BLOC1S2: variants seen among roughly 807,000 people sequenced by gnomAD.
The protein encoded by BLOC1S2 is biogenesis of lysosomal organelles complex 1 subunit 2.
BLOC1S2 carries 12 observed loss-of-function variants against 19.6 expected under a neutral mutation model. The ratio of observed to expected loss-of-function variants is 0.61; its 90% CI spans 0.39 to 0.99. BLOC1S2 has a LOEUF of 0.99. Among genes scored for constraint, BLOC1S2 ranks in the 50% least tolerant of loss-of-function variants. The pLI is 0.00. For synonymous variants in BLOC1S2, 66 were observed against 64.1 expected (o/e 1.03, Z -0.14); for missense variants, 142 against 171.0 (o/e 0.83, Z 0.95).
chr10:100,277,513 T>C (rs1172975432), intron 4 of BLOC1S2, among the ~76,000 whole-genome samples: 1 of 70,624 alleles, frequency 1.4e-5, no homozygotes, highest in Non-Finnish European at 2.7e-5. Flanking sequence ...GGTGGGGGGG[T>C]CAGCCCCCCG....
At chr10:100,282,871 G>A (rs1848143009) in intron 2 of BLOC1S2, 1 of 398,594 alleles carries the variant, frequency 2.5e-6, no homozygotes, top group East Asian at 3.6e-5. Context: ...GCACCATACA[G>A]GCATTCCCTG....
In BLOC1S2 at chr10:100,277,139, G is replaced by A. The variant is rs1589646932; in HGVS notation, c.398-1646C>T. Among the ~76,000 whole-genome samples, 5 of 151,788 alleles carry A rather than the reference G, an allele frequency of 3.3e-5. No homozygotes were observed. The South Asian group carries it at 1.0e-3, about 32-fold the overall frequency. On this transcript the variant is annotated intron_variant, in intron 4 of 4. Transcript: ENST00000370372. ...CAGCCCACCGTCTGAGATGTGGGGA[G>A]CGCCTGTGCCCCGCCGCCCCATCTG...
chr10:100,282,964 C>A (rs114481780), intron 2 of BLOC1S2: 68 of 398,484 alleles, frequency 1.7e-4, no homozygotes, highest in Non-Finnish European at 8.4e-5. Context: ...CACACCACTA[C>A]GAAAGTGACT....
At chr10:100,281,693 A>ATATATATAT (rs1554910961) in intron 2 of BLOC1S2, among the ~76,000 whole-genome samples, 5 of 138,834 alleles carry the variant, frequency 3.6e-5, no homozygotes, top group African/African-American at 1.4e-4. Flanking sequence ...AAAAAAAAAA[A>ATATATATAT]ATATATATAT....
At chr10:100,279,161 G>T (rs1848033723) in intron 4 of BLOC1S2, among the ~76,000 whole-genome samples, 1 of 151,872 alleles carries the variant, frequency 6.6e-6, no homozygotes, top group African/African-American at 2.4e-5. Flanking sequence ...GTATGTAAGA[G>T]CCAGAGCCAG....
chr10:100,278,417 G>T (rs2134356310), intron 4 of BLOC1S2, among the ~76,000 whole-genome samples: 1 of 152,384 alleles, frequency 6.6e-6, no homozygotes, highest in East Asian at 1.9e-4. Flanking sequence ...AAAAGATTGA[G>T]AAATCGGATG....
At chr10:100,281,863 T>C (rs1043622206) in intron 2 of BLOC1S2, among the ~76,000 whole-genome samples, 1 of 152,072 alleles carries the variant, frequency 6.6e-6, no homozygotes, top group African/African-American at 2.4e-5. Flanking sequence ...TCCTCAGTTC[T>C]TTCCCTATCC....
intron 4 of BLOC1S2, among the ~76,000 whole-genome samples, chr10:100,277,744 G>A (rs1176466318): frequency 6.0e-5 from 8 of 133,730 alleles, no homozygotes; most frequent in East Asian, 4.7e-4. Context: ...CGCCCCGTCC[G>A]GGAGGTGAGG....
At chr10:100,277,612 G>C (rs1847944502) in intron 4 of BLOC1S2, among the ~76,000 whole-genome samples, 1 of 125,244 alleles carries the variant, frequency 8.0e-6, no homozygotes, top group Non-Finnish European at 1.7e-5. Flanking sequence ...GTGGGAGGGG[G>C]TCAGCCCCCC....
At chr10:100,277,804 C>G in intron 4 of BLOC1S2, among the ~76,000 whole-genome samples, 1 of 130,740 alleles carries the variant, frequency 7.6e-6, no homozygotes, top group Non-Finnish European at 1.6e-5. Flanking sequence ...CCCCTCTGCC[C>G]GGCCAGCCGC....
chr10:100,280,257 T>C (rs1472377749), intron 3 of BLOC1S2, 29 bp from the exon 4 acceptor site: 2 of 1,537,736 alleles, frequency 1.3e-6, no homozygotes, highest in African/African-American at 2.8e-5. Flanking sequence ...ACTTCATGTT[T>C]ATATGGCTTT....
intron 4 of BLOC1S2, among the ~76,000 whole-genome samples, chr10:100,277,323 G>T (rs1312286440): frequency 1.8e-4 from 27 of 150,614 alleles, no homozygotes; most frequent in South Asian, 4.2e-4. Context: ...CCCCGGCCGG[G>T]AGGGAGGTGG....
At chr10:100,286,343 T>C in intron 1 of BLOC1S2, 130 bp from the exon 2 acceptor site, 2 of 1,469,148 alleles carry the variant, frequency 1.4e-6, no homozygotes, top group Non-Finnish European at 1.8e-6. Context: ...CTGCCATAAT[T>C]TCAAGTCCTT....
chr10:100,279,880 CA>C (rs1463474966), intron 4 of BLOC1S2, among the ~76,000 whole-genome samples: 1 of 151,158 alleles, frequency 6.6e-6, no homozygotes, highest in African/African-American at 2.4e-5. Flanking sequence ...AAACTTGTCT[CA>C]AAAAAAACAA....
At chr10:100,279,366 G>A (rs1319234143) in intron 4 of BLOC1S2, among the ~76,000 whole-genome samples, 1 of 152,142 alleles carries the variant, frequency 6.6e-6, no homozygotes, top group Non-Finnish European at 1.5e-5. Flanking sequence ...GCTCTTCCCT[G>A]TACTGGCTTA....
chr10:100,278,180 C>A (rs1175377999), intron 4 of BLOC1S2, among the ~76,000 whole-genome samples: 10 of 146,298 alleles, frequency 6.8e-5, no homozygotes, highest in Non-Finnish European at 1.5e-4. Flanking sequence ...GCCCCCTACC[C>A]GGCCAGCCGC....
chr10:100,277,805 G>C (rs868223537), intron 4 of BLOC1S2, among the ~76,000 whole-genome samples: 1 of 122,502 alleles, frequency 8.2e-6, no homozygotes, highest in Non-Finnish European at 1.7e-5. Flanking sequence ...CCCTCTGCCC[G>C]GCCAGCCGCC....
intron 2 of BLOC1S2, among the ~76,000 whole-genome samples, chr10:100,285,198 T>C (rs985090547): frequency 2.0e-5 from 3 of 152,232 alleles, no homozygotes; most frequent in Non-Finnish European, 2.9e-5. Context: ...AACAATTTAA[T>C]AAATGTTTTT....
At chr10:100,279,965 G>T in intron 4 of BLOC1S2, 159 bp downstream of exon 4, 1 of 430,990 alleles carries the variant, frequency 2.3e-6, no homozygotes, top group Non-Finnish European at 4.1e-6. Flanking sequence ...AAGTAATCAG[G>T]AAATGTTATT....
Sources: allele counts gnomAD v4.1 joint callset (sites outside exome capture counted in the v4.1 genomes callset), GRCh38; gene constraint gnomAD v4.1.1; transcripts MANE v1.5; gene names NCBI Gene and HGNC (gene_info 2026-07-23, HGNC 2026-07-21).